The following ASMTL variants were observed in gnomAD, a reference collection of about 807,000 sequenced individuals.
The protein encoded by ASMTL is acetylserotonin O-methyltransferase like, also known as probable bifunctional dTTP/UTP pyrophosphatase/methyltransferase protein.
ASMTL carries 57 observed loss-of-function variants against 60.3 expected under a neutral mutation model. The observed-to-expected ratio is 0.95, with a 90% CI of 0.76 to 1.18. The LOEUF (loss-of-function observed/expected upper bound fraction) is 1.18. ASMTL is among the 50% of genes most tolerant of loss of function. The probability of loss-of-function intolerance (pLI) is 0.00; values close to 1 mark genes in which losing one functional copy is unlikely to be tolerated. For missense variants in ASMTL, 981 were observed against 852.6 expected (o/e 1.15, Z -1.88); for synonymous variants, 419 against 373.0 (o/e 1.12, Z -1.42).
intron 1 of ASMTL, among the ~76,000 whole-genome samples, chrX:1,449,201 G>C (rs1239072868): frequency 6.6e-6 from 1 of 152,110 alleles, no homozygotes; most frequent in Non-Finnish European, 1.5e-5. Flanking sequence ...GCTCAGGCTT[G>C]TTCTCCAAAA....
chrX:1,403,537 T>C, intron 12 of ASMTL, 48 bp from the exon 13 acceptor site: 1 of 1,565,664 alleles, frequency 6.4e-7, no homozygotes, highest in Non-Finnish European at 8.8e-7. Context: ...CAGGCGGGGA[T>C]CCTTCAGCAG....
chrX:1,434,874 G>C, intron 5 of ASMTL, 148 bp downstream of exon 5: 5 of 756,816 alleles, frequency 6.6e-6, no homozygotes, highest in South Asian at 1.6e-5. Flanking sequence ...CAAATCGGCG[G>C]ACAACTTTCC....
intron 1 of ASMTL, among the ~76,000 whole-genome samples, chrX:1,442,979 G>C (rs1368210208): frequency 1.3e-5 from 2 of 152,220 alleles, no homozygotes; most frequent in Admixed American, 1.3e-4. Context: ...CCCTCTGACA[G>C]AGCAAAAGCA....
At chrX:1,413,184 G>A (rs1242392428) in intron 11 of ASMTL, 20 of 296,888 alleles carry the variant, frequency 6.7e-5, no homozygotes, top group Middle Eastern at 1.1e-3. Context: ...GCAACACGGC[G>A]AAACCCCATC....
At chrX:1,405,526 G>A (rs2089788342) in intron 12 of ASMTL, among the ~76,000 whole-genome samples, 1 of 149,250 alleles carries the variant, frequency 6.7e-6, no homozygotes, top group South Asian at 2.1e-4. Flanking sequence ...GTGTATAGAT[G>A]ATGGGTAGGT....
intron 7 of ASMTL, 101 bp from the exon 8 acceptor site, chrX:1,425,788 A>C: frequency 1.6e-6 from 2 of 1,234,638 alleles, no homozygotes; most frequent in Admixed American, 4.9e-5. Flanking sequence ...GGAAGTATAC[A>C]ACTTGGCCAT....
chrX:1,431,997 A>G (rs1434312261), intron 6 of ASMTL: 4 of 526,150 alleles, frequency 7.6e-6, no homozygotes, highest in Non-Finnish European at 1.4e-5. Flanking sequence ...GAACTCCTCT[A>G]CCCCTGCCCA....
At chrX:1,413,099 A>G in intron 11 of ASMTL, 1 of 542,980 alleles carries the variant, frequency 1.8e-6, no homozygotes. Context: ...ACAGTGGCTC[A>G]CACCTGTAAT....
chrX:1,428,412 C>G (rs1243504082), intron 6 of ASMTL, among the ~76,000 whole-genome samples: 1 of 151,484 alleles, frequency 6.6e-6, no homozygotes, highest in African/African-American at 2.4e-5. Context: ...GAGGCCGAGA[C>G]GGGTGGATTA....
chrX:1,453,346 C>T (rs374909220), upstream of ASMTL, among the ~76,000 whole-genome samples: 27 of 151,184 alleles, frequency 1.8e-4, no homozygotes, highest in African/African-American at 6.3e-4. Context: ...CACCCCCGCC[C>T]GCCTCCCCCC....
chrX:1,403,430 C>A lies in ASMTL; in HGVS notation c.1705G>T (p.Ala569Ser). ...LDEEKRVAQR[A>S]LMQSLNMLVQ... ...AGCATGTTCAGTGACTGCATCAGGG[C>A]GCGCTGCGCCACCCTCTTCTCCTCA... The change falls in exon 13 of 13, where the codon GCC becomes TCC. Residue 569 changes from alanine to serine, a missense_variant. Ala to Ser is a moderately conservative substitution (Grantham distance 99). Transcript: ENST00000381317. The A allele has an allele frequency of 1.9e-6, 3 of 1,613,258 alleles. No individual in the cohort carries two copies. Among genetic ancestry groups the A allele is most frequent in the Non-Finnish European group, 2.5e-6 (3 of 1,179,856 alleles).
At chrX:1,452,624 C>T (rs1968693190) in intron 1 of ASMTL, 124 bp downstream of exon 1, 2 of 757,320 alleles carry the variant, frequency 2.6e-6, no homozygotes, top group Non-Finnish European at 2.1e-6. Context: ...CTCTCCCCTC[C>T]CCCATCCCTA....
In ASMTL at chrX:1,421,138, T is replaced by C. The variant is rs2090474758; in HGVS notation, c.1245+520A>G. ...TCATCCCCAGCTAATTTTTTTTTTG[T>C]ATTTTTAGTAGAGATGGGGTTTCAG... On this transcript the variant is annotated intron_variant, in intron 9 of 12. Transcript: ENST00000381317. Among the ~76,000 whole-genome samples the C allele has an allele frequency of 3.3e-5, 5 of 151,826 alleles. No homozygotes were observed. The South Asian group carries it at 8.3e-4, about 25-fold the overall frequency.
chrX:1,442,352 G>T (rs1475985746), intron 1 of ASMTL, 35 bp from the exon 2 acceptor site: 4 of 1,612,292 alleles, frequency 2.5e-6, no homozygotes, highest in South Asian at 1.1e-5. Context: ...AAGGGTCAAT[G>T]AAAGACCCTA....
At chrX:1,406,042 G>C (rs1185495359) in intron 12 of ASMTL, among the ~76,000 whole-genome samples, 5 of 151,584 alleles carry the variant, frequency 3.3e-5, no homozygotes, top group Non-Finnish European at 5.9e-5. Flanking sequence ...GTAGACGATG[G>C]GTAGGTAGGT....
chrX:1,431,589 A>G, intron 6 of ASMTL, among the ~76,000 whole-genome samples: 1 of 142,700 alleles, frequency 7.0e-6, no homozygotes, highest in Non-Finnish European at 1.5e-5. Flanking sequence ...TAGTATACAT[A>G]TTACAGTATA....
chrX:1,443,062 C>CAG (rs2091141758), intron 1 of ASMTL, among the ~76,000 whole-genome samples: 1 of 140,776 alleles, frequency 7.1e-6, no homozygotes, highest in Admixed American at 7.0e-5. Context: ...ATCGTGGACA[C>CAG]ACACCGTCGT....
intron 12 of ASMTL, 115 bp from the exon 13 acceptor site, chrX:1,403,604 G>T: frequency 1.0e-6 from 1 of 961,660 alleles, no homozygotes; most frequent in Non-Finnish European, 1.6e-6. Flanking sequence ...AGGCTGCTGA[G>T]AACCCTTGGC....
chrX:1,443,022 G>A (rs1323127376), intron 1 of ASMTL, among the ~76,000 whole-genome samples: 1 of 147,218 alleles, frequency 6.8e-6, no homozygotes, highest in South Asian at 2.2e-4. Context: ...CCATCTTGGA[G>A]AGACACCACC....
Sources: gnomAD v4.1 joint callset for allele counts (sites outside exome capture counted in the v4.1 genomes callset) on GRCh38, gnomAD v4.1.1 for gene constraint, MANE v1.5 for transcripts, NCBI Gene and HGNC (gene_info 2026-07-23, HGNC 2026-07-21) for gene names.